The following LRRC63 variants were observed in gnomAD, a reference collection of about 807,000 sequenced individuals.
The protein encoded by LRRC63 is leucine-rich repeat-containing protein 63.
A neutral mutation model predicts 49.5 loss-of-function variants in LRRC63; 40 were observed. That is an observed-to-expected ratio of 0.81 (90% CI 0.63 to 1.05). The LOEUF (loss-of-function observed/expected upper bound fraction) is 1.05, where lower values mean the gene tolerates loss of function less well. LRRC63 is among the 50% of genes least tolerant of loss of function. The pLI is 0.00. For synonymous variants in LRRC63, 191 were observed against 221.1 expected (o/e 0.86, Z 1.21); for missense variants, 636 against 663.1 (o/e 0.96, Z 0.45).
intron 7 of LRRC63, among the ~76,000 whole-genome samples, chr13:46,254,197 GATA>G (rs1257411248): frequency 6.6e-6 from 1 of 152,140 alleles, no homozygotes; most frequent in Non-Finnish European, 1.5e-5. Flanking sequence ...AGAAATTGGT[GATA>G]ATGAGTGTAG....
chr13:46,247,358 G>T (rs1411436722), intron 6 of LRRC63, among the ~76,000 whole-genome samples: 1 of 152,020 alleles, frequency 6.6e-6, no homozygotes, highest in African/African-American at 2.4e-5. Flanking sequence ...TTGACTAGGA[G>T]AAATTGACAA....
chr13:46,250,699 C>T (rs1271064575), intron 7 of LRRC63, among the ~76,000 whole-genome samples: 1 of 151,910 alleles, frequency 6.6e-6, no homozygotes, highest in Non-Finnish European at 1.5e-5. Flanking sequence ...AGTGACTATA[C>T]ATTTAGAAAC....
Position 46,255,645 on chromosome 13 carries a change from A to AATATATAT in LRRC63, c.1226+5168_1226+5175dup, listed in dbSNP as rs142798828. Among the ~76,000 whole-genome samples the AATATATAT allele has an allele frequency of 8.8e-3, 1,134 of 129,426 alleles. 38 individuals are homozygous for AATATATAT. Among genetic ancestry groups the AATATATAT allele is most frequent in the African/African-American group, 0.03 (1,022 of 34,332 alleles). 84.9% of individuals were successfully genotyped at this position (129,426 alleles called of 152,430 possible). A position where few individuals can be genotyped will look rare whatever the true frequency, so the allele number is the denominator to read the frequency against. On this transcript the variant is annotated intron_variant, in intron 7 of 9. Coordinates refer to ENST00000595396, the Ensembl canonical transcript of LRRC63. ...GGCAACAGAGTAAGACCCTGCCTCAAATATATATATATATATATATAGTTA... is the reference window on the plus strand; with the variant it reads ...GGCAACAGAGTAAGACCCTGCCTCAAATATATATATATATATATATATATATATAGTTA...
In LRRC63 at chr13:46,276,851, TTTA is replaced by T. The variant is rs1566518786; in HGVS notation, c.*50_*52del. The T allele has an allele frequency of 7.4e-4, 107 of 144,262 alleles. 1 individual carries two copies. The highest frequency in any genetic ancestry group is 6.4e-3 in the Middle Eastern group (2 of 314). 8.9% of individuals were successfully genotyped at this position (144,262 alleles called of 1,614,324 possible). The stretch of plus-strand genomic sequence containing the variant: ...GTGTATATATATATATATATATATA[TTTA>T]TATATATATATATTTATATATATAT... On this transcript the variant is annotated 3_prime_UTR_variant, in exon 10 of 10. Coordinates refer to ENST00000595396, the Ensembl canonical transcript of LRRC63.
chr13:46,252,848 A>C (rs1049010807), intron 7 of LRRC63, among the ~76,000 whole-genome samples: 1 of 152,068 alleles, frequency 6.6e-6, no homozygotes, highest in Non-Finnish European at 1.5e-5. Context: ...GGCAATGCCA[A>C]GTGGTAAGAA....
chr13:46,246,494 A>C lies in LRRC63; in HGVS notation c.991-33A>C, dbSNP rs907235516. 8.9e-6 allele frequency: 10 copies of C among 1,127,330 alleles called. No individual in the cohort carries two copies. The Admixed American group carries it at 1.9e-4, about 21-fold the overall frequency. 69.8% of individuals were successfully genotyped at this position (1,127,330 alleles called of 1,614,324 possible). On this transcript the variant is annotated intron_variant, in intron 5 of 9. Coordinates refer to ENST00000595396, the Ensembl canonical transcript of LRRC63. ...TAAACTATTTTGTGCCTTGTTAGTGATTAACACCTTATCTCTTGTCACTTT... is the reference window on the plus strand; with the variant it reads ...TAAACTATTTTGTGCCTTGTTAGTGCTTAACACCTTATCTCTTGTCACTTT...
Position 46,234,186 on chromosome 13 carries a change from A to T in LRRC63, c.833-6A>T. 1 of 1,546,832 alleles carries T rather than the reference A, an allele frequency of 6.5e-7. No individual in the cohort carries two copies. The highest frequency in any genetic ancestry group is 8.7e-7 in the Non-Finnish European group (1 of 1,144,636). ...TTTTATGTTTTGTTTTGTTTTGTTT[A>T]TTTAGGTCTCACCAAAACTGAAAAA... On this transcript the variant is annotated splice_region_variant and splice_polypyrimidine_tract_variant and intron_variant, in intron 4 of 9. Coordinates refer to ENST00000595396, the Ensembl canonical transcript of LRRC63.
At chr13:46,220,103 A>G (rs1008944237) in intron 2 of LRRC63, among the ~76,000 whole-genome samples, 1 of 152,226 alleles carries the variant, frequency 6.6e-6, no homozygotes, top group Non-Finnish European at 1.5e-5. Context: ...TTGAGGAGGC[A>G]GTCTGTCCCC....
chr13:46,246,108 G>A (rs576769909), intron 5 of LRRC63, among the ~76,000 whole-genome samples: 296 of 152,166 alleles, frequency 1.9e-3, no homozygotes, highest in Middle Eastern at 0.017. Context: ...CACCTCCCCC[G>A]TCTTCCTGCT....
Position 46,239,412 on chromosome 13 carries a change from A to T in LRRC63, c.990+5063A>T, listed in dbSNP as rs1370703564. ...AAGAGATGGATAAATTCCCAGACAC[A>T]TACATCCTCCCAAGACTGAACCAGG... On this transcript the variant is annotated intron_variant, in intron 5 of 9. Coordinates refer to ENST00000595396, the Ensembl canonical transcript of LRRC63. Among the ~76,000 whole-genome samples, 3 of 152,176 alleles carry T rather than the reference A, an allele frequency of 2.0e-5. No individual in the cohort carries two copies. The East Asian group carries it at 5.8e-4, about 29-fold the overall frequency.
chr13:46,270,802 A>G (rs2047747701), intron 9 of LRRC63, among the ~76,000 whole-genome samples: 1 of 152,054 alleles, frequency 6.6e-6, no homozygotes, highest in African/African-American at 2.4e-5. Flanking sequence ...CTTGGTTCCC[A>G]TTTGTCTTCA....
At position 46,216,936 on chromosome 13, in the gene LRRC63, C is replaced by G. The variant is rs577627518; in HGVS notation, c.85+3817C>G. ...ATTTGATTTATGTATGTTGAACCAG[C>G]CTTGCATGCCAGGGATGAAGCCGAC... On this transcript the variant is annotated intron_variant, in intron 2 of 9. Coordinates refer to ENST00000595396, the Ensembl canonical transcript of LRRC63. Among the ~76,000 whole-genome samples, 89 of 152,252 alleles carry G rather than the reference C, an allele frequency of 5.8e-4. 1 individual carries two copies. Among genetic ancestry groups the G allele is most frequent in the Middle Eastern group, 3.4e-3 (1 of 294 alleles).
chr13:46,274,263 A>T (rs73470021), intron 9 of LRRC63, among the ~76,000 whole-genome samples: 4,918 of 152,260 alleles, frequency 0.032, 268 homozygotes, highest in African/African-American at 0.11. Flanking sequence ...GAAAAATGAC[A>T]AAGGGTTCAA....
Position 46,228,096 on chromosome 13 carries a change from G to A in LRRC63, c.670G>A (p.Ala224Thr), listed in dbSNP as rs1031081298. 3 of 1,550,620 alleles carry A rather than the reference G, an allele frequency of 1.9e-6. No individual in the cohort carries two copies. In the African/African-American group the frequency reaches 4.1e-5, roughly 21 times the overall value. Residue 224 changes from alanine (A) to threonine (T), a missense_variant, in exon 3 of 10, where the codon GCT (alanine) becomes ACT (threonine). Coordinates refer to ENST00000595396, the Ensembl canonical transcript of LRRC63. ...GTGGCCTGAACATTTTAAATCAACT[G>A]CTACATTGACACTAAGAGTTACTGA... is the stretch of plus-strand genomic sequence containing the variant.
chr13:46,276,644 C>T, exon 10 of LRRC63: 1 of 1,231,188 alleles, frequency 8.1e-7, no homozygotes, highest in Non-Finnish European at 1.0e-6. Flanking sequence ...GTTTTCGTGT[C>T]ATCCGATCCT....
At chr13:46,249,459 T>G (rs1315508142) in intron 6 of LRRC63, among the ~76,000 whole-genome samples, 1 of 151,852 alleles carries the variant, frequency 6.6e-6, no homozygotes, top group African/African-American at 2.4e-5. Context: ...CTACTGACCT[T>G]AAGAAATTAA....
rs775679573 is a variant in LRRC63 at position 46,255,663 on chromosome 13, T to C, written c.1226+5172T>C. ...TGCCTCAAATATATATATATATATA[T>C]ATAGTTATTAGTAACCTCAATGCTT... On this transcript the variant is annotated intron_variant, in intron 7 of 9. Transcript: ENST00000595396. Among the ~76,000 whole-genome samples, 67 of 148,448 alleles carry C rather than the reference T, an allele frequency of 4.5e-4. 1 individual carries two copies. The highest frequency in any genetic ancestry group is 7.4e-4 in the Non-Finnish European group (50 of 67,598).
chr13:46,251,733 C>G (rs1464386873), intron 7 of LRRC63, among the ~76,000 whole-genome samples: 1 of 151,734 alleles, frequency 6.6e-6, no homozygotes. Context: ...ACACACAGAA[C>G]TATATATGTA....
intron 9 of LRRC63, among the ~76,000 whole-genome samples, chr13:46,272,601 C>T (rs1470026889): frequency 2.6e-5 from 4 of 152,122 alleles, no homozygotes; most frequent in Non-Finnish European, 5.9e-5. Flanking sequence ...TTTAAAAGAG[C>T]ACCTTAAATC....
Sources: gnomAD v4.1 joint callset for allele counts (sites outside exome capture counted in the v4.1 genomes callset) on GRCh38, gnomAD v4.1.1 for gene constraint, MANE v1.5 for transcripts, NCBI Gene and HGNC (gene_info 2026-07-23, HGNC 2026-07-21) for gene names.